UBR4: variants seen among roughly 807,000 people sequenced by gnomAD.
UBR4 encodes the protein ubiquitin protein ligase E3 component n-recognin 4, also known as E3 ubiquitin-protein ligase UBR4.
UBR4 carries 124 observed loss-of-function variants against 575.6 expected under a neutral mutation model. The observed-to-expected ratio is 0.22, with a 90% confidence interval of 0.19 to 0.25. The LOEUF (loss-of-function observed/expected upper bound fraction) is 0.25, where lower values mean the gene tolerates loss of function less well. UBR4 is among the 10% of genes least tolerant of loss of function. The pLI is 1.00. For missense variants in UBR4, 4,818 were observed against 6,478.8 expected, an observed-to-expected ratio of 0.74 and a Z score of 8.80; for synonymous variants, 2,455 against 2,473.7, an observed-to-expected ratio of 0.99 and a Z score of 0.22.
chr1:19,156,250 A>G (rs1195702177), intron 42 of UBR4, 21 bp downstream of exon 42: 4 of 1,612,330 alleles, frequency 2.5e-6, no homozygotes, highest in Non-Finnish European at 3.4e-6. Flanking sequence ...GGACCATATC[A>G]TCAAAGAACT....
intron 60 of UBR4, among the ~76,000 whole-genome samples, chr1:19,132,503 G>A (rs1419267274): frequency 1.3e-5 from 2 of 148,736 alleles, no homozygotes; most frequent in Non-Finnish European, 3.0e-5. Flanking sequence ...TTTAAAGTAG[G>A]TTTAAAATAC....
rs1166112637 is a variant in UBR4 at position 19,179,031 on chromosome 1, T to G, written c.2354+20A>C. On this transcript the variant is annotated intron_variant, in intron 18 of 105. Transcript: ENST00000375254. ...AAGGAAATAACTTTCTCTATAGGCC[T>G]TCTCTTACAGACATCTTACCTGTCC... 1 of 1,608,006 alleles carries G rather than the reference T, an allele frequency of 6.2e-7. No homozygotes were observed. The highest frequency in any genetic ancestry group is 8.5e-7 in the Non-Finnish European group (1 of 1,178,370).
At position 19,138,105 on chromosome 1, in the gene UBR4, G is replaced by A. The variant is rs1227486891; in HGVS notation, c.8808C>T (p.Ser2936=). 3 of 1,599,228 alleles carry A rather than the reference G, an allele frequency of 1.9e-6. No individual in the cohort carries two copies. Among genetic ancestry groups the A allele is most frequent in the Non-Finnish European group, 2.6e-6 (3 of 1,171,522 alleles). Residue 2936 remains serine (S), a synonymous_variant, in exon 60 of 106, where the codon AGC becomes AGT. Transcript: ENST00000375254. ...HPAGPGSVSS[S]TGAISTTTGH... ...CAGTGGTGGTGCTGATGGCTCCAGT[G>A]CTTGAGCTGACACTTCCTGGTCCAG...
intron 60 of UBR4, among the ~76,000 whole-genome samples, chr1:19,131,256 A>AT (rs1306856198): frequency 6.6e-6 from 1 of 150,568 alleles, no homozygotes. Flanking sequence ...AAAAAAAAAA[A>AT]AAAAAAAAAA....
intron 14 of UBR4, among the ~76,000 whole-genome samples, chr1:19,185,571 T>C (rs1196846367): frequency 7.4e-6 from 1 of 134,298 alleles, no homozygotes; most frequent in Middle Eastern, 3.2e-3. Flanking sequence ...GATTTCTTTT[T>C]TCTTTTTTTT....
chr1:19,095,636 A>T lies in UBR4; in HGVS notation c.13535T>A (p.Phe4512Tyr), dbSNP rs1214941643. The T allele has an allele frequency of 6.2e-7, 1 of 1,613,970 alleles. No homozygotes were observed. The highest frequency in any genetic ancestry group is 1.3e-5 in the African/African-American group (1 of 74,924). Residue 4512 changes from phenylalanine to tyrosine, a missense_variant, in exon 93 of 106, where the codon TTC (phenylalanine) becomes TAC (tyrosine). Around this residue, in one of 29 missense-constraint regions of UBR4, gnomAD observed 165 missense variants for 282.3 expected, o/e 0.58. Coordinates refer to ENST00000375254, the MANE Select transcript of UBR4 (RefSeq NM_020765.3). ...RHLLTVLLKL[F>Y]SYCVKVKVNR... ...GACTTTCACCTTCACGCAGTAACTG[A>T]ACAATTTCAGTAGCACCTGACAAGA...
intron 49 of UBR4, among the ~76,000 whole-genome samples, chr1:19,149,542 TGA>T (rs1477008965): frequency 1.3e-5 from 2 of 152,088 alleles, no homozygotes; most frequent in African/African-American, 4.8e-5. Context: ...AAGAGAGAGT[TGA>T]GAGAGTGTCC....
chr1:19,082,192 G>A (rs956675748), intron 102 of UBR4: 3 of 197,232 alleles, frequency 1.5e-5, no homozygotes, highest in Non-Finnish European at 3.1e-5. Context: ...GTCCTCATGC[G>A]TCCTAAGTTG....
chr1:19,145,146 A>G (rs1464243694), intron 53 of UBR4, among the ~76,000 whole-genome samples: 1 of 152,252 alleles, frequency 6.6e-6, no homozygotes, highest in Non-Finnish European at 1.5e-5. Context: ...CTTGAGTCAC[A>G]GAAATAAGTA....
intron 88 of UBR4, 152 bp downstream of exon 88, chr1:19,101,368 T>G: frequency 8.6e-7 from 1 of 1,168,856 alleles, no homozygotes; most frequent in Non-Finnish European, 1.1e-6. Context: ...TGAGGTTGCT[T>G]CACTTTTATG....
intron 58 of UBR4, among the ~76,000 whole-genome samples, chr1:19,140,566 G>A (rs2083765089): frequency 6.6e-6 from 1 of 152,258 alleles, no homozygotes. Flanking sequence ...TGGGGAAGTA[G>A]CTGAAGCCAG....
chr1:19,121,911 T>C (rs1475418713), intron 67 of UBR4, 23 bp downstream of exon 67: 2 of 1,613,744 alleles, frequency 1.2e-6, no homozygotes, highest in African/African-American at 2.7e-5. Context: ...ATAACAGCAA[T>C]CAAAAGGAGC....
At position 19,113,962 on chromosome 1, in the gene UBR4, C is replaced by A. The variant is rs1183485021; in HGVS notation, c.11311G>T (p.Ala3771Ser). 1 of 1,614,254 alleles carries A rather than the reference C, an allele frequency of 6.2e-7. No homozygotes were observed. Among genetic ancestry groups the A allele is most frequent in the Non-Finnish European group, 8.5e-7 (1 of 1,180,052 alleles). The change falls in exon 76 of 106, where the codon GCT (alanine) becomes TCT (serine). Residue 3771 changes from alanine (A) to serine (S), a missense_variant. By Grantham distance (99) the Ala-to-Ser change is moderately conservative. Around this residue, in one of 29 missense-constraint regions of UBR4, gnomAD observed 333 missense variants for 459.2 expected, o/e 0.73. Coordinates refer to ENST00000375254, the MANE Select transcript of UBR4 (RefSeq NM_020765.3). ...ENLLCKVNEA[A>S]PEKPQDDSGT... ...GGGACTACCTGTGGCTTTTCTGGAG[C>A]TGCCTCATTCACTTTGCAGAGCAGG...
intron 60 of UBR4, among the ~76,000 whole-genome samples, chr1:19,133,782 CA>C (rs56737453): frequency 9.2e-5 from 13 of 141,892 alleles, no homozygotes; most frequent in Admixed American, 2.1e-4. Flanking sequence ...GCTGTCTCAA[CA>C]AAAAAAAAAA....
intron 11 of UBR4, among the ~76,000 whole-genome samples, chr1:19,188,940 G>T (rs746131095): frequency 2.6e-5 from 4 of 152,250 alleles, no homozygotes; most frequent in Admixed American, 1.3e-4. Flanking sequence ...TTGCACTCTA[G>T]CCTAGGAGAC....
chr1:19,092,390 G>A (rs555041046), intron 97 of UBR4, among the ~76,000 whole-genome samples: 1 of 152,152 alleles, frequency 6.6e-6, no homozygotes, highest in African/African-American at 2.4e-5. Context: ...GATTGGATTT[G>A]TGAGGGGTTA....
chr1:19,186,374 T>G (rs542534650), intron 14 of UBR4, among the ~76,000 whole-genome samples, 166 bp downstream of exon 14: 1 of 152,320 alleles, frequency 6.6e-6, no homozygotes, highest in East Asian at 1.9e-4. Flanking sequence ...AACTTGCTCT[T>G]AAATAACATG....
intron 21 of UBR4, 78 bp from the exon 22 acceptor site, chr1:19,174,525 C>A: frequency 6.5e-7 from 1 of 1,529,046 alleles, no homozygotes; most frequent in Non-Finnish European, 8.7e-7. Context: ...TATCACTTAT[C>A]CTCATGATTG....
chr1:19,140,984 A>G (rs374939140), intron 57 of UBR4, 92 bp from the exon 58 acceptor site: 1 of 1,329,348 alleles, frequency 7.5e-7, no homozygotes, highest in Non-Finnish European at 1.0e-6. Context: ...GAGTCTCCAA[A>G]CACCAGCATG....
Sources: allele counts gnomAD v4.1 joint callset (sites outside exome capture counted in the v4.1 genomes callset), GRCh38; gene constraint gnomAD v4.1.1; regional missense constraint gnomAD v4.1.1; transcripts MANE v1.5; gene names NCBI Gene and HGNC (gene_info 2026-07-23, HGNC 2026-07-21).